Variants in RIMS3 observed in about 807,000 individuals in gnomAD.
The protein encoded by RIMS3 is regulating synaptic membrane exocytosis protein 3.
In RIMS3, 15 loss-of-function variants were observed where a neutral mutation model predicts 29.2. The observed-to-expected ratio is 0.51, with a 90% CI of 0.34 to 0.79. The LOEUF is 0.79. RIMS3 is among the 30% of genes least tolerant of loss of function. RIMS3 has a pLI of 0.01. For missense variants in RIMS3, 342 were observed against 421.4 expected (o/e 0.81, Z 1.65); for synonymous variants, 161 against 170.1 (o/e 0.95, Z 0.41).
intron 1 of RIMS3, among the ~76,000 whole-genome samples, chr1:40,653,158 C>T (rs1416248347): frequency 1.3e-5 from 2 of 152,142 alleles, no homozygotes; most frequent in East Asian, 3.9e-4. Flanking sequence ...TAAGCTGATT[C>T]ACGAGCGCTC....
At chr1:40,651,995 A>T (rs1646634588) in intron 1 of RIMS3, among the ~76,000 whole-genome samples, 1 of 152,154 alleles carries the variant, frequency 6.6e-6, no homozygotes, top group Non-Finnish European at 1.5e-5. Context: ...CGTGTCACTA[A>T]AGTGCTTTCT....
At chr1:40,667,853 G>A (rs1253213839), upstream of RIMS3, among the ~76,000 whole-genome samples, 4 of 152,214 alleles carry the variant, frequency 2.6e-5, no homozygotes, top group East Asian at 3.9e-4. Flanking sequence ...TTCAGGCCCG[G>A]CACAGTGGCT....
At chr1:40,681,614 A>G in the RIMS3 span, 1 of 152,140 alleles carries the variant, frequency 6.6e-6, no homozygotes, top group African/African-American at 2.4e-5. Context: ...AGTTGGTTTA[A>G]GGATTAAATG....
Position 40,626,496 on chromosome 1 carries a change from C to A in RIMS3, c.*21G>T. The A allele has an allele frequency of 6.3e-7, 1 of 1,580,638 alleles. No homozygotes were observed. The highest frequency in any genetic ancestry group is 2.3e-5 in the East Asian group (1 of 43,310). On this transcript the variant is annotated 3_prime_UTR_variant, in exon 8 of 8. Coordinates refer to ENST00000372684, the MANE Select transcript of RIMS3 (RefSeq NM_014747.3). ...CAGGCACCCCTCCCCACACCACCAT[C>A]CTGGCCTCTTCCTGACATCCTTAAG...
upstream of RIMS3, among the ~76,000 whole-genome samples, chr1:40,667,373 C>A (rs1642439520): frequency 6.6e-6 from 1 of 151,852 alleles, no homozygotes; most frequent in African/African-American, 2.4e-5. Flanking sequence ...GAGGCCAGGG[C>A]AGGACCTGGA....
In RIMS3 at chr1:40,626,605, G is replaced by A. The variant is rs1284203396; in HGVS notation, c.839C>T (p.Ser280Phe). The A allele has an allele frequency of 2.5e-6, 4 of 1,614,212 alleles. No homozygotes were observed. Among genetic ancestry groups the A allele is most frequent in the Non-Finnish European group, 3.4e-6 (4 of 1,180,050 alleles). ...TCCGAGTGTGGAGTCTGCCACTGAG[G>A]AGGTGGGGAAGAGTTTGTACCAGCC... ...VTGWYKLFPT[S>F]SVADSTLGSL... Residue 280 changes from serine to phenylalanine, a missense_variant, in exon 8 of 8, where the codon TCC (serine) becomes TTC (phenylalanine). Transcript: ENST00000372684.
chr1:40,657,372 C>T (rs1642286937), intron 1 of RIMS3, among the ~76,000 whole-genome samples: 1 of 152,116 alleles, frequency 6.6e-6, no homozygotes, highest in Non-Finnish European at 1.5e-5. Context: ...GACAAATCAG[C>T]AAATCACCGA....
intron 1 of RIMS3, among the ~76,000 whole-genome samples, chr1:40,662,558 G>T (rs1311261826): frequency 6.6e-6 from 1 of 152,176 alleles, no homozygotes; most frequent in Non-Finnish European, 1.5e-5. Flanking sequence ...TGGACTGAAT[G>T]CATCCTTCTG....
chr1:40,661,251 G>T (rs186849783), intron 1 of RIMS3, among the ~76,000 whole-genome samples: 2 of 152,040 alleles, frequency 1.3e-5, no homozygotes, highest in Admixed American at 6.6e-5. Flanking sequence ...CATGTAAAGC[G>T]ATGGGCAGAG....
chr1:40,631,810 C>A (rs567267785), intron 5 of RIMS3, among the ~76,000 whole-genome samples: 85 of 151,862 alleles, frequency 5.6e-4, no homozygotes, highest in Non-Finnish European at 1.2e-3. Flanking sequence ...GTCTCTACTA[C>A]AAATACAAAA....
chr1:40,676,569 G>A, the RIMS3 span, among the ~76,000 whole-genome samples: 3 of 152,014 alleles, frequency 2.0e-5, no homozygotes, highest in Admixed American at 6.6e-5. Flanking sequence ...AATGCCCTAC[G>A]TACCCCCTTA....
intron 1 of RIMS3, among the ~76,000 whole-genome samples, chr1:40,664,481 G>A (rs1642397033): frequency 6.6e-6 from 1 of 152,168 alleles, no homozygotes; most frequent in Non-Finnish European, 1.5e-5. Context: ...AGGACCAAAG[G>A]AGCAGCAGCC....
At chr1:40,685,965 T>C in the RIMS3 span, among the ~76,000 whole-genome samples, 1 of 151,858 alleles carries the variant, frequency 6.6e-6, no homozygotes, top group African/African-American at 2.4e-5. Flanking sequence ...TTGGCCAACA[T>C]GGTGAAACCC....
At chr1:40,661,493 G>T (rs1414948111) in intron 1 of RIMS3, among the ~76,000 whole-genome samples, 1 of 152,176 alleles carries the variant, frequency 6.6e-6, no homozygotes, top group Admixed American at 6.5e-5. Flanking sequence ...TTAAGACGGT[G>T]TCAGCAGAAC....
the RIMS3 span, among the ~76,000 whole-genome samples, chr1:40,683,428 C>T: frequency 6.6e-6 from 1 of 152,118 alleles, no homozygotes; most frequent in Non-Finnish European, 1.5e-5. Flanking sequence ...ATACGTTTGG[C>T]CCCCCTCCCT....
intron 7 of RIMS3, among the ~76,000 whole-genome samples, chr1:40,628,183 C>G (rs925790543): frequency 6.6e-6 from 1 of 152,242 alleles, no homozygotes; most frequent in Non-Finnish European, 1.5e-5. Context: ...GAGCTGGAAT[C>G]TGAACCTAGG....
rs906163083 is a variant in RIMS3, at chr1:40,635,845, C to T, written c.359+71G>A. ...GAAACAAAACAGGGAGGCTTTCCCACCCTGCCCAGTGGCTCTGTGACTGGA... is the reference window on the plus strand; with the variant it reads ...GAAACAAAACAGGGAGGCTTTCCCATCCTGCCCAGTGGCTCTGTGACTGGA... On this transcript the variant is annotated intron_variant, in intron 4 of 7. Coordinates refer to ENST00000372684, the MANE Select transcript of RIMS3 (RefSeq NM_014747.3). The surrounding 1 kb of genome is among the most constrained non-coding windows in gnomAD (Gnocchi z 4.1). The T allele has an allele frequency of 1.1e-5, 18 of 1,581,932 alleles. No homozygotes were observed. The highest frequency in any genetic ancestry group is 1.5e-5 in the Non-Finnish European group (18 of 1,161,350).
At chr1:40,663,319 G>T (rs1219827350) in intron 1 of RIMS3, among the ~76,000 whole-genome samples, 5 of 152,176 alleles carry the variant, frequency 3.3e-5, no homozygotes, top group African/African-American at 1.2e-4. Context: ...TTGACTGGGG[G>T]GTACACACAG....
At chr1:40,649,492 C>T (rs1272646649) in intron 1 of RIMS3, among the ~76,000 whole-genome samples, 1 of 152,242 alleles carries the variant, frequency 6.6e-6, no homozygotes, top group Non-Finnish European at 1.5e-5. Context: ...GGCAGGGAAG[C>T]AGGAAGCATC....
Sources: allele counts gnomAD v4.1 joint callset (sites outside exome capture counted in the v4.1 genomes callset), GRCh38; gene constraint gnomAD v4.1.1; non-coding constraint Gnocchi (gnomAD v3.1); transcripts MANE v1.5; gene names NCBI Gene and HGNC (gene_info 2026-07-23, HGNC 2026-07-21).